AFMID: variants seen among roughly 807,000 people sequenced by gnomAD.
AFMID encodes the protein kynurenine formamidase.
A neutral mutation model predicts 47.5 loss-of-function variants in AFMID; 39 were observed. That is an observed-to-expected ratio of 0.82 (90% CI 0.64 to 1.07). AFMID has a LOEUF of 1.07. Ranked by LOEUF, AFMID falls within the 50% of genes least tolerant of loss-of-function variation. The pLI is 0.00. For synonymous variants in AFMID, 130 were observed against 153.2 expected (o/e 0.85, Z 1.12); for missense variants, 375 against 387.5 (o/e 0.97, Z 0.27).
chr17:78,196,494 C>T (rs762756726), intron 2 of AFMID, among the ~76,000 whole-genome samples: 1 of 152,142 alleles, frequency 6.6e-6, no homozygotes, highest in Non-Finnish European at 1.5e-5. Context: ...GCCTGGCCAA[C>T]ACGACAAAAC....
rs371923989 is a variant in AFMID, at chr17:78,187,446, C to T, written c.63+13C>T. ...GATGTCTGCAGAGGTAGGTGGATTG[C>T]AGGGAGGGACTAAGGGGCTGGGGCG... is the stretch of plus-strand genomic sequence containing the variant. On this transcript the variant is annotated intron_variant, in intron 1 of 10. Transcript: ENST00000409257. The T allele has an allele frequency of 3.8e-5, 62 of 1,613,492 alleles. No homozygotes were observed. Among genetic ancestry groups the T allele is most frequent in the Non-Finnish European group, 5.0e-5 (59 of 1,179,790 alleles).
At chr17:78,199,262 C>A (rs2145865677) in intron 2 of AFMID, among the ~76,000 whole-genome samples, 1 of 152,286 alleles carries the variant, frequency 6.6e-6, no homozygotes, top group East Asian at 1.9e-4. Flanking sequence ...TGCATTCTGG[C>A]ATAGACGCAA....
intron 2 of AFMID, among the ~76,000 whole-genome samples, chr17:78,192,155 C>T (rs1324020930): frequency 6.7e-6 from 1 of 149,744 alleles, no homozygotes; most frequent in Non-Finnish European, 1.5e-5. Context: ...TGCGCCACCA[C>T]GCCCTGCTAA....
intron 4 of AFMID, chr17:78,203,061 T>C (rs894307505): frequency 3.0e-5 from 8 of 262,818 alleles, no homozygotes; most frequent in East Asian, 1.7e-4. Flanking sequence ...CTCTCTTTTT[T>C]TTTTTTTTTT....
chr17:78,197,358 G>A, intron 2 of AFMID: 1 of 696,118 alleles, frequency 1.4e-6, no homozygotes. Flanking sequence ...GCTTGCAAGT[G>A]GTATGGTAAT....
At chr17:78,204,945 T>C (rs1479268237) in intron 6 of AFMID, 45 bp downstream of exon 6, 1 of 1,611,346 alleles carries the variant, frequency 6.2e-7, no homozygotes. Context: ...CCTCAGTGGG[T>C]GGGAGGACAG....
chr17:78,202,408 A>G (rs1020101361), intron 2 of AFMID, 91 bp from the exon 3 acceptor site: 18 of 1,308,336 alleles, frequency 1.4e-5, no homozygotes, highest in Non-Finnish European at 1.7e-5. Context: ...CAGCTTGGGC[A>G]ACAGAGTGAG....
At chr17:78,205,228 A>G (rs1258934314) in intron 7 of AFMID, 38 bp downstream of exon 7, 2 of 1,577,306 alleles carry the variant, frequency 1.3e-6, no homozygotes, top group South Asian at 1.1e-5. Flanking sequence ...GGCAACCTTC[A>G]TCTCCCCATG....
At chr17:78,188,811 A>T (rs1022987498) in intron 1 of AFMID, among the ~76,000 whole-genome samples, 4 of 152,016 alleles carry the variant, frequency 2.6e-5, no homozygotes, top group Admixed American at 2.6e-4. Flanking sequence ...GTTAGCCAGG[A>T]TGGTCTCCAA....
At chr17:78,204,560 C>A in intron 4 of AFMID, 96 bp from the exon 5 acceptor site, 1 of 1,171,914 alleles carries the variant, frequency 8.5e-7, no homozygotes, top group Non-Finnish European at 1.3e-6. Flanking sequence ...TGATGCTGTG[C>A]GTGGACAGGA....
chr17:78,191,325 C>T (rs1055862214), intron 2 of AFMID, among the ~76,000 whole-genome samples: 3 of 152,130 alleles, frequency 2.0e-5, no homozygotes, highest in Non-Finnish European at 4.4e-5. Flanking sequence ...CCATCCATAC[C>T]CAGGCCCGTA....
chr17:78,201,361 CTG>C (rs1244144781), intron 2 of AFMID, among the ~76,000 whole-genome samples: 3 of 151,518 alleles, frequency 2.0e-5, no homozygotes, highest in African/African-American at 7.3e-5. Flanking sequence ...TGGCTCATGC[CTG>C]TAATCCCAGC....
chr17:78,202,343 C>T (rs942805909), intron 2 of AFMID, among the ~76,000 whole-genome samples, 156 bp from the exon 3 acceptor site: 5 of 151,950 alleles, frequency 3.3e-5, no homozygotes, highest in Non-Finnish European at 7.4e-5. Flanking sequence ...GCAGGAGAAT[C>T]GCTTGAACCG....
At chr17:78,194,589 C>T (rs1246438142) in intron 2 of AFMID, among the ~76,000 whole-genome samples, 1 of 152,158 alleles carries the variant, frequency 6.6e-6, no homozygotes, top group Non-Finnish European at 1.5e-5. Flanking sequence ...AGTCTAACTG[C>T]TGTGTGAGTA....
chr17:78,190,117 G>A (rs1397927579), intron 1 of AFMID, among the ~76,000 whole-genome samples: 5 of 151,064 alleles, frequency 3.3e-5, no homozygotes, highest in Admixed American at 6.6e-5. Context: ...GTGAGCCACC[G>A]CGCCCAGCCT....
At chr17:78,202,859 T>C in intron 4 of AFMID, 108 bp downstream of exon 4, 18 of 1,313,906 alleles carry the variant, frequency 1.4e-5, no homozygotes, top group Non-Finnish European at 1.9e-5. Flanking sequence ...GGGCACTCCT[T>C]GCAGGGCTGT....
chr17:78,193,365 T>G (rs1172825164), intron 2 of AFMID, among the ~76,000 whole-genome samples: 2 of 93,228 alleles, frequency 2.1e-5, no homozygotes, highest in African/African-American at 1.0e-4. Flanking sequence ...AGCGAGACTC[T>G]GTCTCAAAAA....
At chr17:78,204,563 G>A in intron 4 of AFMID, 93 bp from the exon 5 acceptor site, 1 of 1,233,056 alleles carries the variant, frequency 8.1e-7, no homozygotes, top group Non-Finnish European at 1.2e-6. Context: ...TGCTGTGCGT[G>A]GACAGGACAT....
In AFMID at chr17:78,206,918, T is replaced by C; in HGVS notation, c.893T>C (p.Leu298Ser). The change falls in exon 11 of 11, where the codon TTG (leucine) becomes TCG (serine). Residue 298 changes from leucine to serine, a missense_variant. Leu to Ser is a moderately radical substitution (Grantham distance 145, BLOSUM62 -2). Coordinates refer to ENST00000409257, the MANE Select transcript of AFMID (RefSeq NM_001010982.5). ...CTTCTCTTCCTGTTCCAGATTATCT[T>C]GAAAACAATCTTCCAGTAGTTCTGA... ...QKDNVLTQIILKTIFQ is the reference protein window; with the variant it reads ...QKDNVLTQIISKTIFQ 1 of 1,614,050 alleles carries C rather than the reference T, an allele frequency of 6.2e-7. No individual in the cohort carries two copies.
Sources: allele counts gnomAD v4.1 joint callset (sites outside exome capture counted in the v4.1 genomes callset), GRCh38; gene constraint gnomAD v4.1.1; transcripts MANE v1.5; gene names NCBI Gene and HGNC (gene_info 2026-07-23, HGNC 2026-07-21).